The following MICU3 variants were observed in gnomAD, a reference collection of about 807,000 sequenced individuals.
MICU3 encodes the protein calcium uptake protein 3, mitochondrial.
Under a neutral mutation model 66.5 loss-of-function variants are expected in MICU3, and 62 were observed. The observed-to-expected ratio is 0.93, with a 90% CI of 0.76 to 1.15. MICU3 has a LOEUF of 1.15. Ranked by LOEUF, MICU3 falls within the 50% of genes most tolerant of loss-of-function variation. The pLI is 0.00. For missense variants in MICU3, 779 were observed against 664.4 expected, an observed-to-expected ratio of 1.17 and a Z score of -1.90; for synonymous variants, 308 against 240.7, an observed-to-expected ratio of 1.28 and a Z score of -2.59.
chr8:17,061,821 C>A (rs1399999383), intron 1 of MICU3, among the ~76,000 whole-genome samples: 1 of 152,148 alleles, frequency 6.6e-6, no homozygotes, highest in East Asian at 1.9e-4. Context: ...TAGTCTGATC[C>A]CCGAGGACCA....
chr8:17,049,746 C>A, intron 1 of MICU3: 1 of 481,258 alleles, frequency 2.1e-6, no homozygotes, highest in South Asian at 1.5e-5. Context: ...GCCTGTGTGA[C>A]CCTGTTGAAG....
intron 8 of MICU3, among the ~76,000 whole-genome samples, chr8:17,094,932 T>G (rs1585469720): frequency 6.6e-6 from 1 of 152,182 alleles, no homozygotes; most frequent in East Asian, 1.9e-4. Flanking sequence ...CTTTTCATGC[T>G]GCATTGTGCA....
intron 1 of MICU3, among the ~76,000 whole-genome samples, chr8:17,057,099 G>A (rs149872265): frequency 2.3e-3 from 352 of 152,312 alleles, no homozygotes; most frequent in African/African-American, 8.1e-3. Flanking sequence ...AATAACCATT[G>A]AATGTGTTGA....
At chr8:17,098,421 C>A (rs755065842) in intron 8 of MICU3, 37 bp from the exon 9 acceptor site, 5 of 1,240,318 alleles carry the variant, frequency 4.0e-6, no homozygotes, top group South Asian at 1.2e-5. Flanking sequence ...TGTAACTATT[C>A]TTTAGATTTC....
chr8:17,066,517 C>CTATATATATATATATATATATATA (rs71212675), intron 2 of MICU3, among the ~76,000 whole-genome samples: 11 of 105,060 alleles, frequency 1.0e-4, no homozygotes, highest in African/African-American at 4.5e-4. Context: ...TGTTAATAAT[C>CTATATATATATATATATATATATA]TATATATATA....
chr8:17,030,796 G>A (rs1417796885), intron 1 of MICU3, among the ~76,000 whole-genome samples: 1 of 152,140 alleles, frequency 6.6e-6, no homozygotes, highest in African/African-American at 2.4e-5. Flanking sequence ...TCCGTTTTGG[G>A]ATTCTGTATA....
intron 13 of MICU3, among the ~76,000 whole-genome samples, chr8:17,117,281 A>G (rs887816143): frequency 2.6e-5 from 4 of 152,108 alleles, no homozygotes; most frequent in South Asian, 2.1e-4. Flanking sequence ...CCTGGCCACT[A>G]TTTCTCATTT....
At chr8:17,118,672 T>C in intron 13 of MICU3, 35 bp from the exon 14 acceptor site, 1 of 1,395,940 alleles carries the variant, frequency 7.2e-7, no homozygotes, top group Non-Finnish European at 1.0e-6. Context: ...TTTGTCTTTC[T>C]GTACATTTGC....
In MICU3 at chr8:17,053,232, A is replaced by G. The variant is rs1034652553; in HGVS notation, c.382-10852A>G. ...GTATTATGCAGTTTAGATAATTGAT[A>G]TAATTGTTTTAAATTGCCTCTTTTA... On this transcript the variant is annotated intron_variant, in intron 1 of 14. Transcript: ENST00000318063. Among the ~76,000 whole-genome samples the G allele has an allele frequency of 7.2e-5, 11 of 152,144 alleles. 1 individual carries two copies. Among genetic ancestry groups the G allele is most frequent in the Admixed American group, 6.5e-4 (10 of 15,284 alleles).
intron 2 of MICU3, among the ~76,000 whole-genome samples, chr8:17,066,517 C>CCA (rs369253171): frequency 0.013 from 1,321 of 105,054 alleles, 29 homozygotes; most frequent in Middle Eastern, 0.06. Flanking sequence ...TGTTAATAAT[C>CCA]TATATATATA....
Position 17,062,099 on chromosome 8 carries a change from T to A in MICU3, c.382-1985T>A, listed in dbSNP as rs188311027. 3.3e-5 allele frequency among the ~76,000 whole-genome samples: 5 copies of A among 152,304 alleles called. No individual in the cohort carries two copies. In the East Asian group the frequency reaches 7.7e-4, roughly 23 times the overall value. On this transcript the variant is annotated intron_variant, in intron 1 of 14. Coordinates refer to ENST00000318063, the MANE Select transcript of MICU3 (RefSeq NM_181723.3). ...GGGGCTTTAGTCTGGCATTCAGAAA[T>A]CATTAGCTCACCATCCTTTTACTAC... is the stretch of plus-strand genomic sequence containing the variant.
chr8:17,064,353 G>C (rs1343702272), intron 2 of MICU3, 116 bp downstream of exon 2: 1 of 704,934 alleles, frequency 1.4e-6, no homozygotes, highest in East Asian at 2.8e-5. Context: ...TATTTCACAT[G>C]ATATTGTGCT....
chr8:17,124,069 A>G (rs923044663), downstream of MICU3, among the ~76,000 whole-genome samples: 48 of 151,744 alleles, frequency 3.2e-4, no homozygotes, highest in African/African-American at 1.1e-3. Flanking sequence ...GTTTATATCA[A>G]CATTTTTGAT....
chr8:17,104,713 C>CTGGATTGATT (rs1801584291), intron 10 of MICU3, among the ~76,000 whole-genome samples: 1 of 118,976 alleles, frequency 8.4e-6, no homozygotes, highest in Non-Finnish European at 1.7e-5. Context: ...TTCCAGATAT[C>CTGGATTGATT]GGCCGGGCGC....
At chr8:17,055,007 G>A (rs1414925927) in intron 1 of MICU3, among the ~76,000 whole-genome samples, 3 of 152,168 alleles carry the variant, frequency 2.0e-5, no homozygotes, top group East Asian at 1.9e-4. Context: ...AAAGTGCTGG[G>A]ATTACAAGCA....
chr8:17,029,492 T>C (rs934186960), intron 1 of MICU3, among the ~76,000 whole-genome samples: 5 of 152,172 alleles, frequency 3.3e-5, no homozygotes, highest in Admixed American at 2.0e-4. Context: ...AAAAAATTAT[T>C]TTTTATTCGT....
In MICU3 at chr8:17,069,684, T is replaced by G. The variant is rs1478295529; in HGVS notation, c.536-4T>G. 1 of 1,529,682 alleles carries G rather than the reference T, an allele frequency of 6.5e-7. No individual in the cohort carries two copies. Among genetic ancestry groups the G allele is most frequent in the Non-Finnish European group, 8.8e-7 (1 of 1,130,210 alleles). The allele number at this position is 1,529,682 out of a possible 1,614,324, so 94.8% of individuals were successfully genotyped here. A position where few individuals can be genotyped will look rare whatever the true frequency, so the allele number is the denominator to read the frequency against. ...TCTAATTATCTTACATTTGTTTATT[T>G]TAGTTGCCAAAACTTGGAAGTCACT... On this transcript the variant is annotated splice_region_variant and splice_polypyrimidine_tract_variant and intron_variant, in intron 2 of 14. Coordinates refer to ENST00000318063, the MANE Select transcript of MICU3 (RefSeq NM_181723.3).
intron 1 of MICU3, among the ~76,000 whole-genome samples, chr8:17,035,289 G>C (rs549656942): frequency 2.0e-5 from 3 of 152,328 alleles, no homozygotes; most frequent in African/African-American, 7.2e-5. Flanking sequence ...ACTGGTAGAG[G>C]GGGGTGCTGT....
intron 8 of MICU3, among the ~76,000 whole-genome samples, chr8:17,093,950 C>G (rs1800373197): frequency 6.6e-6 from 1 of 151,842 alleles, no homozygotes; most frequent in Non-Finnish European, 1.5e-5. Flanking sequence ...TAGTATAGAT[C>G]AAGAAGTAAA....
Sources: allele counts gnomAD v4.1 joint callset (sites outside exome capture counted in the v4.1 genomes callset), GRCh38; gene constraint gnomAD v4.1.1; transcripts MANE v1.5; gene names NCBI Gene and HGNC (gene_info 2026-07-23, HGNC 2026-07-21).